LIMS2: variants seen among roughly 807,000 people sequenced by gnomAD.
LIMS2 encodes the protein LIM zinc finger domain containing 2.
A neutral mutation model predicts 45.3 loss-of-function variants in LIMS2; 30 were observed. That is an observed-to-expected ratio of 0.66 (90% confidence interval 0.50 to 0.90). The LOEUF is 0.90. Ranked by LOEUF, LIMS2 falls within the 40% of genes least tolerant of loss-of-function variation. LIMS2 has a pLI of 0.00. For synonymous variants in LIMS2, 173 were observed against 188.0 expected, an observed-to-expected ratio of 0.92 and a Z score of 0.65; for missense variants, 485 against 468.7, an observed-to-expected ratio of 1.03 and a Z score of -0.32.
In LIMS2 at chr2:127,640,138, C is replaced by T. The variant is rs752693744; in HGVS notation, c.810G>A (p.Ser270=). ...CSHVIEGDVV[S]ALNKAWCVSC... is the part of the protein sequence containing the mutation. ...TCACACACCAGGCCTTGTTGAGGGC[C>T]GACACCACTGTGAGGGAAGCGTGGG... Residue 270 remains serine (S), a synonymous_variant, in exon 9 of 10, where the codon TCG becomes TCA. Coordinates refer to ENST00000355119, the MANE Select transcript of LIMS2 (RefSeq NM_001161403.3). 44 of 1,613,214 alleles carry T rather than the reference C, an allele frequency of 2.7e-5. No homozygotes were observed. Among genetic ancestry groups the T allele is most frequent in the Non-Finnish European group, 3.4e-5 (40 of 1,180,016 alleles).
At chr2:127,652,060 T>G in intron 4 of LIMS2, 1 of 378,170 alleles carries the variant, frequency 2.6e-6, no homozygotes, top group African/African-American at 2.0e-5. Context: ...GGCCTTTCTT[T>G]CCCGCTAGGC....
upstream of LIMS2, among the ~76,000 whole-genome samples, chr2:127,679,439 C>T (rs6751125): frequency 0.046 from 6,110 of 134,180 alleles, 425 homozygotes; most frequent in African/African-American, 0.17. The surrounding 1 kb of genome is among the most constrained non-coding windows in gnomAD (Gnocchi z 5.3). Flanking sequence ...ACTTAGTCTT[C>T]GCTGGGGGAC....
intron 4 of LIMS2, chr2:127,652,014 G>C: frequency 3.7e-6 from 2 of 538,494 alleles, no homozygotes; most frequent in Non-Finnish European, 6.8e-6. Context: ...GTGGCAGGGA[G>C]AGAGGAGGCC....
intron 4 of LIMS2, among the ~76,000 whole-genome samples, chr2:127,649,352 G>A (rs1285677544): frequency 2.6e-5 from 4 of 152,212 alleles, no homozygotes; most frequent in Non-Finnish European, 5.9e-5. Flanking sequence ...ATGGGCACAG[G>A]CAGGATGCCA....
At chr2:127,645,004 G>T (rs1379453009) in intron 4 of LIMS2, among the ~76,000 whole-genome samples, 2 of 152,242 alleles carry the variant, frequency 1.3e-5, no homozygotes, top group Non-Finnish European at 2.9e-5. Flanking sequence ...GTGGCCTTCA[G>T]AATTCTTTTT....
chr2:127,670,905 G>T (rs1486833087), intron 1 of LIMS2, among the ~76,000 whole-genome samples: 3 of 152,264 alleles, frequency 2.0e-5, no homozygotes, highest in Non-Finnish European at 4.4e-5. Context: ...AAGGACGTGG[G>T]TGAGGACACA....
In LIMS2 at chr2:127,667,011, T is replaced by C. The variant is rs1685037344; in HGVS notation, c.11+8003A>G. On this transcript the variant is annotated intron_variant, in intron 1 of 9. Transcript: ENST00000355119. The surrounding 1 kb of genome is among the most constrained non-coding windows in gnomAD (Gnocchi z 4.1). ...TACCCAAATCACTTAGTAAGGCCAG[T>C]AACATGTAAAGAGACTGAGACAGTA... Among the ~76,000 whole-genome samples the C allele has an allele frequency of 6.6e-6, 1 of 152,182 alleles. No individual in the cohort carries two copies. The highest frequency in any genetic ancestry group is 2.1e-4 in the South Asian group (1 of 4,824).
chr2:127,648,560 C>G (rs986213634), intron 4 of LIMS2, among the ~76,000 whole-genome samples: 14 of 152,168 alleles, frequency 9.2e-5, no homozygotes, highest in Non-Finnish European at 1.6e-4. Flanking sequence ...TCACCATGCC[C>G]TCTCTGCCCC....
At chr2:127,655,627 C>T (rs1684203380) in intron 2 of LIMS2, 1 of 152,888 alleles carries the variant, frequency 6.5e-6, no homozygotes, top group African/African-American at 2.4e-5. Context: ...CAATGAAAAT[C>T]TTCTGGGCAC....
intron 1 of LIMS2, among the ~76,000 whole-genome samples, chr2:127,661,144 C>CA (rs954151948): frequency 6.6e-6 from 1 of 152,260 alleles, no homozygotes; most frequent in African/African-American, 2.4e-5. Flanking sequence ...GGCAGTGTGA[C>CA]ACAGAGAGGC....
intron 4 of LIMS2, among the ~76,000 whole-genome samples, chr2:127,648,929 A>G (rs1683287549): frequency 9.3e-6 from 1 of 107,590 alleles, no homozygotes; most frequent in African/African-American, 3.6e-5. Context: ...AGAGAAAGAA[A>G]AAAAGAAAAA....
At chr2:127,663,497 C>G (rs1359238715) in intron 1 of LIMS2, among the ~76,000 whole-genome samples, 1 of 152,194 alleles carries the variant, frequency 6.6e-6, no homozygotes, top group Non-Finnish European at 1.5e-5. Flanking sequence ...ACTCTGGGAG[C>G]CTTCCCTGAC....
chr2:127,664,593 T>A lies in LIMS2; in HGVS notation c.12-7031A>T. 1 of 1,130,308 alleles carries A rather than the reference T, an allele frequency of 8.8e-7. No individual in the cohort carries two copies. The highest frequency in any genetic ancestry group is 1.1e-6 in the Non-Finnish European group (1 of 923,706). The allele number at this position is 1,130,308 out of a possible 1,614,324, so 70.0% of individuals were successfully genotyped here. A position where few individuals can be genotyped will look rare whatever the true frequency, so the allele number is the denominator to read the frequency against. On this transcript the variant is annotated intron_variant, in intron 1 of 9. Transcript: ENST00000355119. The surrounding 1 kb of genome is among the most constrained non-coding windows in gnomAD (Gnocchi z 5.5). The stretch of plus-strand genomic sequence containing the variant: ...CAGAGTCAACTCCAAATAGAAAGGA[T>A]ATTGTTCGCGCCGCGGGGGCAGCTC...
upstream of LIMS2, among the ~76,000 whole-genome samples, chr2:127,679,299 G>A (rs911331347): frequency 1.3e-5 from 2 of 152,160 alleles, no homozygotes; most frequent in African/African-American, 4.8e-5. The surrounding 1 kb of genome is among the most constrained non-coding windows in gnomAD (Gnocchi z 5.3). Context: ...CTCTGAAAGG[G>A]GGGGCAGAGA....
At position 127,642,320 on chromosome 2, in the gene LIMS2, G is replaced by A. The variant is rs1045629150; in HGVS notation, c.510-121C>T. On this transcript the variant is annotated intron_variant, in intron 5 of 9. Transcript: ENST00000355119. This position sits in a 1 kb window ranked among gnomAD's most constrained non-coding sequence, Gnocchi z 5.3. ...CCCATTCTGTCCCTGCAGAGCCGAG[G>A]CGGCAGCGCCTTCTGATCTCTGGGC... 82 of 1,192,338 alleles carry A rather than the reference G, an allele frequency of 6.9e-5. No individual in the cohort carries two copies. The highest frequency in any genetic ancestry group is 8.2e-5 in the Non-Finnish European group (73 of 888,186). 73.9% of individuals were successfully genotyped at this position (1,192,338 alleles called of 1,614,324 possible). A position where few individuals can be genotyped will look rare whatever the true frequency, so the allele number is the denominator to read the frequency against.
chr2:127,645,431 C>T (rs544849263), intron 4 of LIMS2, among the ~76,000 whole-genome samples: 17 of 152,332 alleles, frequency 1.1e-4, no homozygotes, highest in South Asian at 4.1e-4. Flanking sequence ...AGGCGGCCGC[C>T]GGCAGCATTC....
At chr2:127,650,356 G>A (rs544252189) in intron 4 of LIMS2, 4 of 542,782 alleles carry the variant, frequency 7.4e-6, no homozygotes, top group Admixed American at 3.4e-5. Flanking sequence ...CACCTCAGAG[G>A]CAGAACAGAA....
Position 127,642,217 on chromosome 2 carries a change from GC to G in LIMS2, c.510-19del. On this transcript the variant is annotated intron_variant, in intron 5 of 9. Transcript: ENST00000355119. The surrounding 1 kb of genome is among the most constrained non-coding windows in gnomAD (Gnocchi z 5.3). Reference sequence around the variant, plus strand: ...GCTCCTTCCTGGAAGACAGCGTGCAGCCCCCAGGTGCCACCCCTGCCCTTCT... The same window carrying G: ...GCTCCTTCCTGGAAGACAGCGTGCAGCCCCAGGTGCCACCCCTGCCCTTCT... 1 of 1,511,804 alleles carries G rather than the reference GC, an allele frequency of 6.6e-7. No individual in the cohort carries two copies. 93.6% of individuals were successfully genotyped at this position (1,511,804 alleles called of 1,614,324 possible).
At chr2:127,662,350 G>C (rs972960022) in intron 1 of LIMS2, among the ~76,000 whole-genome samples, 1 of 152,142 alleles carries the variant, frequency 6.6e-6, no homozygotes, top group African/African-American at 2.4e-5. Context: ...TCCAGATGCA[G>C]AGGGTTTCGG....
Sources: gnomAD v4.1 joint callset for allele counts (sites outside exome capture counted in the v4.1 genomes callset) on GRCh38, gnomAD v4.1.1 for gene constraint, Gnocchi (gnomAD v3.1) non-coding constraint, MANE v1.5 for transcripts, NCBI Gene and HGNC (gene_info 2026-07-23, HGNC 2026-07-21) for gene names.